Variants in MARCHF1 observed in about 807,000 individuals in gnomAD.
MARCHF1 encodes the protein membrane associated ring-CH-type finger 1.
A neutral mutation model predicts 54.2 loss-of-function variants in MARCHF1; 40 were observed. The observed-to-expected ratio is 0.74, with a 90% confidence interval of 0.57 to 0.96. The LOEUF (loss-of-function observed/expected upper bound fraction) is 0.96, where lower values mean the gene tolerates loss of function less well. Ranked by LOEUF, MARCHF1 falls within the 40% of genes least tolerant of loss-of-function variation. MARCHF1 has a pLI of 0.00. For missense variants in MARCHF1, 586 were observed against 656.5 expected, an observed-to-expected ratio of 0.89 and a Z score of 1.17; for synonymous variants, 236 against 236.3, an observed-to-expected ratio of 1.00 and a Z score of 0.01.
At chr4:164,014,432 C>G (rs1753494142) in intron 2 of MARCHF1, among the ~76,000 whole-genome samples, 1 of 151,774 alleles carries the variant, frequency 6.6e-6, no homozygotes. Flanking sequence ...GAAATAACAA[C>G]ATATTACAGG....
chr4:164,266,949 T>C (rs1433135099), intron 1 of MARCHF1, among the ~76,000 whole-genome samples: 1 of 152,216 alleles, frequency 6.6e-6, no homozygotes, highest in African/African-American at 2.4e-5. Flanking sequence ...AGTATGTGCT[T>C]ACTGAATAAG....
chr4:164,276,983 A>G (rs1036850124), intron 1 of MARCHF1, among the ~76,000 whole-genome samples: 3 of 145,854 alleles, frequency 2.1e-5, no homozygotes, highest in East Asian at 2.1e-4. Context: ...GAGAGAGAGA[A>G]AATATATGAG....
intron 4 of MARCHF1, 130 bp from the exon 5 acceptor site, chr4:163,700,993 A>G (rs1267411079): frequency 2.1e-5 from 13 of 607,384 alleles, no homozygotes. Context: ...ACTAATACAC[A>G]TATTAATTGC....
intron 2 of MARCHF1, among the ~76,000 whole-genome samples, chr4:164,009,707 A>G (rs187157508): frequency 3.8e-4 from 58 of 152,298 alleles, no homozygotes; most frequent in African/African-American, 1.3e-3. Flanking sequence ...TGATTATTGC[A>G]ATAGATGCTG....
intron 8 of MARCHF1, among the ~76,000 whole-genome samples, chr4:163,552,950 T>C (rs113737286): frequency 1.3e-5 from 2 of 150,908 alleles, no homozygotes; most frequent in Non-Finnish European, 2.9e-5. Flanking sequence ...GGAGAATGGC[T>C]TGAACCCGGG....
chr4:164,268,400 A>G (rs1281413052), intron 1 of MARCHF1, among the ~76,000 whole-genome samples: 4 of 152,228 alleles, frequency 2.6e-5, no homozygotes, highest in African/African-American at 9.6e-5. Context: ...TCTTTATATA[A>G]AGCAGGCTTA....
Position 163,612,826 on chromosome 4 carries a change from C to T in MARCHF1, c.455G>A (p.Trp152Ter), listed in dbSNP as rs1718300046. ...DFHLQISSPR[W>*]RELYTDSSDS... ...TGAAGAATCTGTGTAAAGCTCCCTCCACCTGGGGCTTGAGATTTGAAGGTG... is the reference window on the plus strand; with the variant it reads ...TGAAGAATCTGTGTAAAGCTCCCTCTACCTGGGGCTTGAGATTTGAAGGTG... The change falls in exon 7 of 10, where the codon TGG (tryptophan) becomes TAG (stop). Residue 152 changes from tryptophan to a stop codon, truncating the protein, a stop_gained. Transcript: ENST00000514618. LOFTEE classifies it high-confidence loss of function. The T allele has an allele frequency of 6.5e-7, 1 of 1,535,174 alleles. No individual in the cohort carries two copies. Among genetic ancestry groups the T allele is most frequent in the South Asian group, 1.2e-5 (1 of 83,962 alleles).
intron 2 of MARCHF1, among the ~76,000 whole-genome samples, chr4:164,037,267 T>A (rs187999486): frequency 1.3e-5 from 2 of 152,156 alleles, no homozygotes; most frequent in Non-Finnish European, 2.9e-5. Context: ...TTTGGAGATG[T>A]TGGCATATAG....
At chr4:164,238,697 A>G (rs1182026250) in intron 1 of MARCHF1, among the ~76,000 whole-genome samples, 1 of 152,000 alleles carries the variant, frequency 6.6e-6, no homozygotes, top group Non-Finnish European at 1.5e-5. Flanking sequence ...CCTACAATAG[A>G]AGAAATTATG....
chr4:163,775,391 G>A (rs1747276875), intron 4 of MARCHF1, among the ~76,000 whole-genome samples: 1 of 152,044 alleles, frequency 6.6e-6, no homozygotes, highest in African/African-American at 2.4e-5. Flanking sequence ...CTTTCTCTCT[G>A]CATGAGAATA....
intron 8 of MARCHF1, 36 bp from the exon 9 acceptor site, chr4:163,545,779 C>T: frequency 6.2e-7 from 1 of 1,601,266 alleles, no homozygotes; most frequent in Non-Finnish European, 8.5e-7. Flanking sequence ...AACTGAATTG[C>T]AAACTAGGAA....
chr4:163,737,160 CTTTCT>C (rs1234221472), intron 4 of MARCHF1, among the ~76,000 whole-genome samples: 5 of 41,018 alleles, frequency 1.2e-4, no homozygotes, highest in African/African-American at 6.2e-4. Flanking sequence ...CAGCTTTTTT[CTTTCT>C]TTTTTTTTTT....
chr4:163,869,588 TTATC>T (rs1750126515), intron 3 of MARCHF1, among the ~76,000 whole-genome samples: 1 of 152,108 alleles, frequency 6.6e-6, no homozygotes, highest in Admixed American at 6.6e-5. Context: ...TCTTTCTATA[TTATC>T]TGTCAGACAA....
chr4:164,184,539 T>C (rs1003291043), intron 1 of MARCHF1, among the ~76,000 whole-genome samples: 2 of 152,198 alleles, frequency 1.3e-5, no homozygotes, highest in Non-Finnish European at 2.9e-5. Context: ...TAAAAAGGGT[T>C]ATACCAGTTA....
chr4:163,536,407 C>T (rs1269365437), intron 9 of MARCHF1, among the ~76,000 whole-genome samples: 1 of 152,024 alleles, frequency 6.6e-6, no homozygotes, highest in African/African-American at 2.4e-5. Flanking sequence ...TCTACTTGTC[C>T]CACAAAACCC....
At chr4:163,983,536 C>T (rs1752802541) in intron 3 of MARCHF1, among the ~76,000 whole-genome samples, 1 of 152,062 alleles carries the variant, frequency 6.6e-6, no homozygotes, top group Non-Finnish European at 1.5e-5. Flanking sequence ...AAAACTCCCC[C>T]CACTTAGAGG....
intron 2 of MARCHF1, among the ~76,000 whole-genome samples, chr4:164,039,754 A>T (rs1319198170): frequency 6.6e-6 from 1 of 152,052 alleles, no homozygotes; most frequent in Non-Finnish European, 1.5e-5. Flanking sequence ...TTTATGAAAT[A>T]ATAAATGAAT....
At position 163,528,787 on chromosome 4, in the gene MARCHF1, T is replaced by A. The variant is rs1356669848; in HGVS notation, c.1599A>T (p.Pro533=). ...CTTCAGGGGGGCCACCCTCTGCAGA[T>A]GGCAGTGAATTTGCACCTGTTTGTG... The part of the protein sequence containing the change: ...PVPQTGANSL[P]SAEGGPPEVV... Residue 533 remains proline (P), a synonymous_variant, in exon 10 of 10, where the codon CCA becomes CCT. Transcript: ENST00000514618. 1 of 1,613,082 alleles carries A rather than the reference T, an allele frequency of 6.2e-7. No homozygotes were observed.
intron 1 of MARCHF1, among the ~76,000 whole-genome samples, chr4:164,157,976 A>G (rs1730121734): frequency 6.6e-6 from 1 of 152,200 alleles, no homozygotes; most frequent in African/African-American, 2.4e-5. Flanking sequence ...GCCATTTTTG[A>G]TGATTCTTGA....
Sources: allele counts gnomAD v4.1 joint callset (sites outside exome capture counted in the v4.1 genomes callset), GRCh38; gene constraint gnomAD v4.1.1; transcripts MANE v1.5; gene names NCBI Gene and HGNC (gene_info 2026-07-23, HGNC 2026-07-21).